ZNF362: variants seen among roughly 807,000 people sequenced by gnomAD.
ZNF362 encodes the protein zinc finger protein 362.
Under a neutral mutation model 42.9 loss-of-function variants are expected in ZNF362, and 11 were observed. That is an observed-to-expected ratio of 0.26 (90% CI 0.16 to 0.42). The LOEUF is 0.42. ZNF362 is among the 20% of genes least tolerant of loss of function. The probability of loss-of-function intolerance (pLI) is 1.00; values close to 1 mark genes in which losing one functional copy is unlikely to be tolerated. For synonymous variants in ZNF362, 255 were observed against 257.3 expected, an observed-to-expected ratio of 0.99 and a Z score of 0.09; for missense variants, 362 against 576.2, an observed-to-expected ratio of 0.63 and a Z score of 3.81.
At chr1:33,170,246 C>T in the ZNF362 span, among the ~76,000 whole-genome samples, 1 of 151,890 alleles carries the variant, frequency 6.6e-6, no homozygotes, top group African/African-American at 2.4e-5. Context: ...GCAAGAATCG[C>T]TTTAACCCAG....
At chr1:33,159,499 T>C in the ZNF362 span, among the ~76,000 whole-genome samples, 101 of 152,264 alleles carry the variant, frequency 6.6e-4, no homozygotes, top group African/African-American at 2.3e-3. This position sits in a 1 kb window ranked among gnomAD's most constrained non-coding sequence, Gnocchi z 4.2. Context: ...GCTCCTCTAG[T>C]TCAAGCCTCA....
At chr1:33,199,336 A>G in the ZNF362 span, among the ~76,000 whole-genome samples, 3 of 152,026 alleles carry the variant, frequency 2.0e-5, no homozygotes. Context: ...TTTTTTTATT[A>G]TAAACAATGC....
chr1:33,166,905 TTTTGA>T, the ZNF362 span, among the ~76,000 whole-genome samples: 2 of 152,210 alleles, frequency 1.3e-5, no homozygotes, highest in Non-Finnish European at 2.9e-5. Context: ...TTTGCATTAA[TTTTGA>T]TTTAAGAAAT....
chr1:33,129,830 G>C, the ZNF362 span, among the ~76,000 whole-genome samples: 2 of 152,156 alleles, frequency 1.3e-5, no homozygotes, highest in Admixed American at 1.3e-4. The surrounding 1 kb of genome is among the most constrained non-coding windows in gnomAD (Gnocchi z 4.1). Context: ...ATTTCTGAGC[G>C]GGGGAGAGAG....
the ZNF362 span, among the ~76,000 whole-genome samples, chr1:33,152,962 T>C: frequency 1.6e-5 from 2 of 125,996 alleles, no homozygotes; most frequent in Non-Finnish European, 3.2e-5. Context: ...GCCTGGGAGT[T>C]GGGGGATTTA....
At chr1:33,275,301 C>T (rs757003573) in intron 2 of ZNF362, 34 of 985,414 alleles carry the variant, frequency 3.5e-5, no homozygotes, top group African/African-American at 2.4e-4. Flanking sequence ...GCCTTCTAAC[C>T]GCACAGGCCT....
At chr1:33,202,415 T>G in the ZNF362 span, among the ~76,000 whole-genome samples, 1 of 151,884 alleles carries the variant, frequency 6.6e-6, no homozygotes, top group Non-Finnish European at 1.5e-5. Context: ...GCTAACATGG[T>G]GAAACCCTGT....
At chr1:33,176,613 G>A in the ZNF362 span, 29 of 511,468 alleles carry the variant, frequency 5.7e-5, no homozygotes, top group East Asian at 3.3e-4. Flanking sequence ...ACCTGCCCTC[G>A]GGGCGTCAGC....
At chr1:33,244,889 A>G in the ZNF362 span, among the ~76,000 whole-genome samples, 1 of 152,180 alleles carries the variant, frequency 6.6e-6, no homozygotes. This position sits in a 1 kb window ranked among gnomAD's most constrained non-coding sequence, Gnocchi z 4.0. Flanking sequence ...GATTTTCTTC[A>G]TGGGACTGCC....
the ZNF362 span, among the ~76,000 whole-genome samples, chr1:33,232,597 G>A: frequency 1.3e-4 from 20 of 152,304 alleles, no homozygotes; most frequent in South Asian, 1.5e-3. Flanking sequence ...TCATGTCTGC[G>A]GATGGTGGCT....
chr1:33,150,513 T>TAC, the ZNF362 span, among the ~76,000 whole-genome samples: 1 of 152,224 alleles, frequency 6.6e-6, no homozygotes, highest in South Asian at 2.1e-4. Flanking sequence ...CCTTTGGACT[T>TAC]AGAGGGCTGT....
rs1265338884 is a variant in ZNF362, at chr1:33,280,141, C to T, written c.367C>T (p.Arg123Trp). 3 of 1,583,168 alleles carry T rather than the reference C, an allele frequency of 1.9e-6. No homozygotes were observed. Among genetic ancestry groups the T allele is most frequent in the Non-Finnish European group, 2.6e-6 (3 of 1,160,402 alleles). ...CTTCGCAGGTCTGGGGCTGTCCACCCGGACCCCGTCTGTGAGCACTTCTGA... is the reference window on the plus strand; with the variant it reads ...CTTCGCAGGTCTGGGGCTGTCCACCTGGACCCCGTCTGTGAGCACTTCTGA... ...STVTGLGLSTRTPSVSTSESS... is the reference protein window; with the variant it reads ...STVTGLGLSTWTPSVSTSESS... Residue 123 changes from arginine to tryptophan, a missense_variant, in exon 5 of 9, where the codon CGG becomes TGG. By Grantham distance (101) the Arg-to-Trp change is moderately radical (BLOSUM62 -3). Around this residue, in one of 3 missense-constraint regions of ZNF362, gnomAD observed 266 missense variants for 365.4 expected, o/e 0.73. Coordinates refer to ENST00000539719, the MANE Select transcript of ZNF362 (RefSeq NM_152493.3). The surrounding 1 kb of genome is among the most constrained non-coding windows in gnomAD (Gnocchi z 5.6).
At chr1:33,210,918 C>T in the ZNF362 span, among the ~76,000 whole-genome samples, 1 of 141,210 alleles carries the variant, frequency 7.1e-6, no homozygotes, top group Non-Finnish European at 1.5e-5. Context: ...ACATTTAGCT[C>T]ATTTACATTT....
intron 6 of ZNF362, among the ~76,000 whole-genome samples, chr1:33,292,368 A>C (rs1232018911): frequency 6.6e-6 from 1 of 152,208 alleles, no homozygotes; most frequent in South Asian, 2.1e-4. Flanking sequence ...GCTGGATTAC[A>C]TTTATTGATT....
At chr1:33,204,565 G>T in the ZNF362 span, among the ~76,000 whole-genome samples, 1 of 152,196 alleles carries the variant, frequency 6.6e-6, no homozygotes, top group South Asian at 2.1e-4. Context: ...GAATTCAGTA[G>T]TATGAACATT....
chr1:33,244,211 G>T, the ZNF362 span, among the ~76,000 whole-genome samples: 1 of 151,774 alleles, frequency 6.6e-6, no homozygotes, highest in Admixed American at 6.5e-5. The surrounding 1 kb of genome is among the most constrained non-coding windows in gnomAD (Gnocchi z 4.0). Context: ...GCCAGGAGAT[G>T]TGTGTTCTAG....
the ZNF362 span, among the ~76,000 whole-genome samples, chr1:33,233,077 T>G: frequency 2.0e-5 from 3 of 152,206 alleles, no homozygotes; most frequent in African/African-American, 7.2e-5. Flanking sequence ...GCCCATAGGA[T>G]AAAAATCAAA....
chr1:33,209,709 A>G, the ZNF362 span, among the ~76,000 whole-genome samples: 1 of 152,150 alleles, frequency 6.6e-6, no homozygotes, highest in African/African-American at 2.4e-5. Context: ...GTTTATTTGC[A>G]TAGAGGTGTT....
chr1:33,274,431 G>A (rs1267635581), intron 2 of ZNF362, among the ~76,000 whole-genome samples: 2 of 152,226 alleles, frequency 1.3e-5, no homozygotes, highest in Non-Finnish European at 2.9e-5. Flanking sequence ...TTTCGAGTTT[G>A]TTCTGGGAAA....
Sources: allele counts gnomAD v4.1 joint callset (sites outside exome capture counted in the v4.1 genomes callset), GRCh38; gene constraint gnomAD v4.1.1; regional missense constraint gnomAD v4.1.1; non-coding constraint Gnocchi (gnomAD v3.1); transcripts MANE v1.5; gene names NCBI Gene and HGNC (gene_info 2026-07-23, HGNC 2026-07-21).